Variants in CCDC73 observed in about 807,000 individuals in gnomAD.
The protein encoded by CCDC73 is coiled-coil domain containing 73.
In CCDC73, 95 loss-of-function variants were observed where a neutral mutation model predicts 116.5. That is an observed-to-expected ratio of 0.82 (90% confidence interval 0.69 to 0.97). The LOEUF (loss-of-function observed/expected upper bound fraction) is 0.97. CCDC73 is among the 50% of genes least tolerant of loss of function. The pLI, the probability that CCDC73 is intolerant of heterozygous loss-of-function variation, is 0.00. For missense variants in CCDC73, 1,066 were observed against 1,206.8 expected (o/e 0.88, Z 1.73); for synonymous variants, 398 against 401.3 (o/e 0.99, Z 0.10).
chr11:32,692,195 C>T lies in CCDC73; in HGVS notation c.390+7056G>A, dbSNP rs368252810. Among the ~76,000 whole-genome samples, 4 of 151,508 alleles carry T rather than the reference C, an allele frequency of 2.6e-5. No homozygotes were observed. The East Asian group carries it at 7.8e-4, about 29-fold the overall frequency. On this transcript the variant is annotated intron_variant, in intron 6 of 17. Coordinates refer to ENST00000335185, the MANE Select transcript of CCDC73 (RefSeq NM_001008391.4). ...AGTTAAATTTTGTGTAAATCTGTGT[C>T]TAGATTCATTTTTTTCATATGGATA...
intron 12 of CCDC73, among the ~76,000 whole-genome samples, chr11:32,642,475 A>G (rs1053963638): frequency 2.0e-5 from 3 of 151,992 alleles, no homozygotes; most frequent in Admixed American, 2.0e-4. Context: ...TTATTTTAGA[A>G]ATTAACTGGC....
intron 9 of CCDC73, among the ~76,000 whole-genome samples, chr11:32,673,429 C>G (rs532245723): frequency 6.6e-6 from 1 of 151,976 alleles, no homozygotes; most frequent in Non-Finnish European, 1.5e-5. Context: ...TAGTGAAAGT[C>G]TATGTATATA....
chr11:32,604,913 C>CAT (rs1343863448), intron 17 of CCDC73: 1 of 152,074 alleles, frequency 6.6e-6, no homozygotes, highest in Non-Finnish European at 1.5e-5. Flanking sequence ...AGTGCAGTGG[C>CAT]GCCATCTCAG....
intron 11 of CCDC73, 39 bp downstream of exon 11, chr11:32,653,939 G>C (rs374711225): frequency 6.4e-7 from 1 of 1,570,910 alleles, no homozygotes; most frequent in Non-Finnish European, 8.6e-7. Context: ...CTGATTTTTA[G>C]AATATTTACT....
chr11:32,633,434 A>C (rs765937624), intron 14 of CCDC73, among the ~76,000 whole-genome samples: 6 of 152,178 alleles, frequency 3.9e-5, no homozygotes, highest in African/African-American at 7.2e-5. Flanking sequence ...AAATTACCCC[A>C]ACTGGCTCTT....
intron 2 of CCDC73, among the ~76,000 whole-genome samples, chr11:32,737,231 C>CTG (rs200606807): frequency 0.11 from 15,377 of 137,444 alleles, 876 homozygotes; most frequent in Non-Finnish European, 0.14. Context: ...CATAGTAGGG[C>CTG]TGTGTGTGTG....
At chr11:32,766,021 C>T (rs915786137) in intron 1 of CCDC73, among the ~76,000 whole-genome samples, 10 of 152,260 alleles carry the variant, frequency 6.6e-5, no homozygotes, top group Middle Eastern at 6.8e-3. Context: ...GAATTTTAGG[C>T]CAATATCCTT....
chr11:32,636,232 A>G (rs1468467587), intron 13 of CCDC73, among the ~76,000 whole-genome samples: 1 of 152,102 alleles, frequency 6.6e-6, no homozygotes, highest in Non-Finnish European at 1.5e-5. Flanking sequence ...AAAAACAAAA[A>G]ATTAAATTCA....
chr11:32,822,092 G>A, the CCDC73 span, among the ~76,000 whole-genome samples: 1 of 152,080 alleles, frequency 6.6e-6, no homozygotes, highest in Non-Finnish European at 1.5e-5. Flanking sequence ...AAATGGTTTG[G>A]GAATAACACA....
At chr11:32,696,741 A>T (rs1856314569) in intron 6 of CCDC73, among the ~76,000 whole-genome samples, 1 of 150,612 alleles carries the variant, frequency 6.6e-6, no homozygotes, top group South Asian at 2.1e-4. Flanking sequence ...CTCTTCTTAC[A>T]CTCCATCAAT....
chr11:32,648,610 G>A (rs1227096723), intron 12 of CCDC73, among the ~76,000 whole-genome samples: 1 of 151,340 alleles, frequency 6.6e-6, no homozygotes, highest in Non-Finnish European at 1.5e-5. Context: ...GGAGTGCAGT[G>A]GTGCAATCTC....
At chr11:32,826,646 C>CAAAA in the CCDC73 span, among the ~76,000 whole-genome samples, 5 of 63,486 alleles carry the variant, frequency 7.9e-5, no homozygotes, top group African/African-American at 2.4e-4. Context: ...GATAATAACT[C>CAAAA]AAAAAAAAAA....
At chr11:32,608,559 T>C (rs544210244) in intron 17 of CCDC73, among the ~76,000 whole-genome samples, 2 of 152,270 alleles carry the variant, frequency 1.3e-5, no homozygotes, top group East Asian at 3.9e-4. Flanking sequence ...GTCTGTGGCT[T>C]TTCCAGATAC....
chr11:32,656,084 CT>C (rs35610291), intron 9 of CCDC73, among the ~76,000 whole-genome samples: 21 of 145,468 alleles, frequency 1.4e-4, no homozygotes, highest in Admixed American at 3.4e-4. Context: ...CTTTTCTTTT[CT>C]TTTTTTTTTT....
At chr11:32,689,205 C>T (rs1341651151) in intron 6 of CCDC73, among the ~76,000 whole-genome samples, 1 of 151,932 alleles carries the variant, frequency 6.6e-6, no homozygotes, top group Non-Finnish European at 1.5e-5. Flanking sequence ...GTATAAAGTC[C>T]TAATAATAAT....
chr11:32,764,241 C>A (rs189584286), intron 1 of CCDC73, among the ~76,000 whole-genome samples: 1,528 of 152,228 alleles, frequency 0.01, 29 homozygotes, highest in African/African-American at 0.035. Flanking sequence ...GGCCAACATT[C>A]AAATTCAGGA....
chr11:32,753,455 C>A (rs575941998), intron 2 of CCDC73, among the ~76,000 whole-genome samples: 1 of 151,762 alleles, frequency 6.6e-6, no homozygotes, highest in Non-Finnish European at 1.5e-5. Context: ...TCACCACACC[C>A]AGCTAAAATT....
At chr11:32,653,710 G>A (rs1368830568) in intron 11 of CCDC73, among the ~76,000 whole-genome samples, 2 of 152,094 alleles carry the variant, frequency 1.3e-5, no homozygotes, top group Non-Finnish European at 2.9e-5. Context: ...TCAAATGAGA[G>A]TATAATGTCC....
At chr11:32,797,825 C>T (rs1850736952), upstream of CCDC73, among the ~76,000 whole-genome samples, 1 of 152,118 alleles carries the variant, frequency 6.6e-6, no homozygotes, top group South Asian at 2.1e-4. Flanking sequence ...CTCTCTGTGC[C>T]TCAAAATCCA....
Sources: gnomAD v4.1 joint callset for allele counts (sites outside exome capture counted in the v4.1 genomes callset) on GRCh38, gnomAD v4.1.1 for gene constraint, MANE v1.5 for transcripts, NCBI Gene and HGNC (gene_info 2026-07-23, HGNC 2026-07-21) for gene names.